Variants in TENM3 observed in about 807,000 individuals in gnomAD.
TENM3 encodes the protein teneurin transmembrane protein 3.
A neutral mutation model predicts 255.1 loss-of-function variants in TENM3; 63 were observed. The ratio of observed to expected loss-of-function variants is 0.25; its 90% CI spans 0.20 to 0.30. TENM3 has a LOEUF of 0.30. Among genes scored for constraint, TENM3 ranks in the 10% least tolerant of loss-of-function variants. The pLI is 1.00. For missense variants in TENM3, 2,929 were observed against 3,461.1 expected (o/e 0.85, Z 3.86); for synonymous variants, 1,306 against 1,322.3 (o/e 0.99, Z 0.27).
At chr4:182,036,252 A>G in the TENM3 span, among the ~76,000 whole-genome samples, 1 of 151,936 alleles carries the variant, frequency 6.6e-6, no homozygotes, top group Non-Finnish European at 1.5e-5. Context: ...AGTGCAATGC[A>G]TGATCTCTGC....
the TENM3 span, among the ~76,000 whole-genome samples, chr4:181,923,000 G>A: frequency 1.3e-5 from 2 of 152,160 alleles, no homozygotes; most frequent in African/African-American, 4.8e-5. Context: ...GTACCCAGTA[G>A]TCATTCAGGA....
At chr4:182,177,967 T>G (rs10032261) in intron 1 of TENM3, among the ~76,000 whole-genome samples, 3 of 97,122 alleles carry the variant, frequency 3.1e-5, no homozygotes, top group Non-Finnish European at 7.6e-5. Flanking sequence ...TGTTTTTTTT[T>G]TTTTTTTTGC....
the TENM3 span, among the ~76,000 whole-genome samples, chr4:181,471,461 T>A: frequency 7.3e-3 from 1,107 of 152,278 alleles, 12 homozygotes; most frequent in African/African-American, 0.024. Flanking sequence ...AACTACTGAA[T>A]TGGTAGTTGT....
At chr4:181,978,225 C>G in the TENM3 span, among the ~76,000 whole-genome samples, 1 of 152,192 alleles carries the variant, frequency 6.6e-6, no homozygotes, top group Non-Finnish European at 1.5e-5. Context: ...GAATTGTTCT[C>G]TACATGGTGG....
intron 3 of TENM3, among the ~76,000 whole-genome samples, chr4:182,408,449 A>G (rs748280133): frequency 6.6e-6 from 1 of 152,150 alleles, no homozygotes; most frequent in East Asian, 1.9e-4. Flanking sequence ...GTGTTTCCCT[A>G]GAGAAAACCT....
At chr4:182,429,470 A>G (rs1346874218) in intron 3 of TENM3, among the ~76,000 whole-genome samples, 12 of 152,200 alleles carry the variant, frequency 7.9e-5, no homozygotes, top group Non-Finnish European at 1.5e-5. Context: ...AGAAATACTT[A>G]AGTACTTATT....
At chr4:181,737,916 A>G in the TENM3 span, among the ~76,000 whole-genome samples, 1 of 151,516 alleles carries the variant, frequency 6.6e-6, no homozygotes, top group African/African-American at 2.4e-5. Context: ...TAACCAGCAC[A>G]ATTGCCAACT....
the TENM3 span, among the ~76,000 whole-genome samples, chr4:181,893,660 A>C: frequency 6.6e-6 from 1 of 152,000 alleles, no homozygotes; most frequent in Non-Finnish European, 1.5e-5. Flanking sequence ...TCCCAAATGA[A>C]ATGTTCTCGT....
the TENM3 span, among the ~76,000 whole-genome samples, chr4:181,869,173 G>T: frequency 3.9e-5 from 6 of 152,070 alleles, no homozygotes; most frequent in South Asian, 1.0e-3. Context: ...GCAAATCACA[G>T]TGTGATATTT....
At chr4:182,109,803 T>G in the TENM3 span, among the ~76,000 whole-genome samples, 1 of 152,314 alleles carries the variant, frequency 6.6e-6, no homozygotes, top group Non-Finnish European at 1.5e-5. Flanking sequence ...TCCTCTAAAA[T>G]TGCATGTGTG....
intron 27 of TENM3, among the ~76,000 whole-genome samples, chr4:182,798,111 G>C (rs949811424): frequency 1.3e-5 from 2 of 152,014 alleles, no homozygotes; most frequent in Non-Finnish European, 2.9e-5. Context: ...GGGCTCAAGC[G>C]ATCCTCCCAC....
At chr4:181,605,850 G>A in the TENM3 span, among the ~76,000 whole-genome samples, 1 of 152,164 alleles carries the variant, frequency 6.6e-6, no homozygotes, top group Non-Finnish European at 1.5e-5. Context: ...GGGCCTATGG[G>A]ATTCAAGCAT....
chr4:182,176,444 C>T (rs1246348020), intron 1 of TENM3, among the ~76,000 whole-genome samples: 1 of 152,080 alleles, frequency 6.6e-6, no homozygotes, highest in Non-Finnish European at 1.5e-5. Context: ...ATGTTGAAAT[C>T]GTACCTGGTA....
rs779417385 is a variant in TENM3, at chr4:182,680,231, C to T, written c.1538-17C>T. 3 of 1,579,220 alleles carry T rather than the reference C, an allele frequency of 1.9e-6. No homozygotes were observed. Among genetic ancestry groups the T allele is most frequent in the Admixed American group, 1.7e-5 (1 of 59,840 alleles). On this transcript the variant is annotated splice_polypyrimidine_tract_variant and intron_variant, in intron 8 of 27. Transcript: ENST00000511685. ...GCAGGCTATACAACAAGTGTTCCTT[C>T]TTTCCTTTTTCTTCAGAGTCTGTGG...
At chr4:182,244,278 A>G (rs991455541) in intron 1 of TENM3, among the ~76,000 whole-genome samples, 2 of 152,156 alleles carry the variant, frequency 1.3e-5, no homozygotes, top group African/African-American at 2.4e-5. Context: ...ATTAAAACAT[A>G]TAACCCAGGG....
chr4:182,072,007 G>A, the TENM3 span, among the ~76,000 whole-genome samples: 1 of 152,136 alleles, frequency 6.6e-6, no homozygotes, highest in Non-Finnish European at 1.5e-5. Context: ...GCGGAGAAAT[G>A]TTCTTATTTG....
chr4:181,547,601 T>C, the TENM3 span, among the ~76,000 whole-genome samples: 1 of 152,028 alleles, frequency 6.6e-6, no homozygotes, highest in African/African-American at 2.4e-5. Context: ...AAAGAAATAA[T>C]CCTAAAAGCC....
At chr4:181,971,563 T>A in the TENM3 span, among the ~76,000 whole-genome samples, 1 of 150,698 alleles carries the variant, frequency 6.6e-6, no homozygotes, top group Non-Finnish European at 1.5e-5. Flanking sequence ...GGTATTTGGT[T>A]TTGGTTTTGG....
At chr4:181,825,400 C>CAAA in the TENM3 span, among the ~76,000 whole-genome samples, 10 of 70,432 alleles carry the variant, frequency 1.4e-4, no homozygotes, top group African/African-American at 4.1e-4. Context: ...GACTCCATCT[C>CAAA]AAAAAAAAAA....
Sources: gnomAD v4.1 joint callset for allele counts (sites outside exome capture counted in the v4.1 genomes callset) on GRCh38, gnomAD v4.1.1 for gene constraint, MANE v1.5 for transcripts, NCBI Gene and HGNC (gene_info 2026-07-23, HGNC 2026-07-21) for gene names.